Variants in NCKAP1L observed in about 807,000 individuals in gnomAD.
NCKAP1L encodes the protein nck-associated protein 1-like.
NCKAP1L carries 53 observed loss-of-function variants against 139.2 expected under a neutral mutation model. That is an observed-to-expected ratio of 0.38 (90% confidence interval 0.31 to 0.48). NCKAP1L has a LOEUF of 0.48. NCKAP1L is among the 20% of genes least tolerant of loss of function. NCKAP1L has a pLI of 0.98. For synonymous variants in NCKAP1L, 468 were observed against 499.7 expected, an observed-to-expected ratio of 0.94 and a Z score of 0.85; for missense variants, 1,151 against 1,381.9, an observed-to-expected ratio of 0.83 and a Z score of 2.65.
Position 54,518,757 on chromosome 12 carries a change from C to T in NCKAP1L, c.1420+25C>T, listed in dbSNP as rs761966760. 5 of 1,582,384 alleles carry T rather than the reference C, an allele frequency of 3.2e-6. No homozygotes were observed. The East Asian group carries it at 6.7e-5, about 21-fold the overall frequency. ...GGTAACTGGAGGGAGGTGGGGGAGG[C>T]AGGACATATGTGAGGATGAACATCT... On this transcript the variant is annotated intron_variant, in intron 14 of 30. Transcript: ENST00000293373.
intron 22 of NCKAP1L, among the ~76,000 whole-genome samples, chr12:54,529,650 A>G (rs557780592): frequency 6.6e-6 from 1 of 152,234 alleles, no homozygotes; most frequent in African/African-American, 2.4e-5. Flanking sequence ...TCCCCTTCTC[A>G]TCAACTCTAC....
intron 22 of NCKAP1L, 120 bp downstream of exon 22, chr12:54,528,497 A>T: frequency 7.8e-7 from 1 of 1,275,252 alleles, no homozygotes; most frequent in Non-Finnish European, 1.1e-6. Flanking sequence ...ATTACTTTTC[A>T]TTGCAAAAAC....
intron 30 of NCKAP1L, 134 bp from the exon 31 acceptor site, chr12:54,542,441 G>A: frequency 2.9e-6 from 2 of 687,458 alleles, no homozygotes; most frequent in Non-Finnish European, 5.2e-6. Flanking sequence ...AGGGAAGAGG[G>A]GGGTGTGATT....
At chr12:54,506,024 C>T (rs1204242449) in intron 3 of NCKAP1L, among the ~76,000 whole-genome samples, 2 of 152,182 alleles carry the variant, frequency 1.3e-5, no homozygotes, top group Non-Finnish European at 2.9e-5. Context: ...ATCCATTTAC[C>T]TGTTGATAGA....
intron 3 of NCKAP1L, among the ~76,000 whole-genome samples, chr12:54,502,821 C>CATA (rs1956810005): frequency 3.0e-4 from 4 of 13,446 alleles, no homozygotes; most frequent in Non-Finnish European, 7.3e-4. Context: ...ACCCCATCTA[C>CATA]ACAAAAAAAA....
At chr12:54,499,061 G>T (rs1260517374) in intron 1 of NCKAP1L, among the ~76,000 whole-genome samples, 1 of 151,978 alleles carries the variant, frequency 6.6e-6, no homozygotes, top group East Asian at 1.9e-4. Context: ...AAGTACCTGG[G>T]ACTACAGTTG....
At position 54,542,725 on chromosome 12, in the gene NCKAP1L, C is replaced by T. The variant is rs377489737; in HGVS notation, c.*40C>T. 2 of 1,094,106 alleles carry T rather than the reference C, an allele frequency of 1.8e-6. No homozygotes were observed. Among genetic ancestry groups the T allele is most frequent in the African/African-American group, 3.2e-5 (2 of 62,482 alleles). The allele number at this position is 1,094,106 out of a possible 1,614,324, so 67.8% of individuals were successfully genotyped here. Reference sequence around the variant, plus strand: ...CCACTGAAGAGCCCTTTGGACCTTCCTAAACCCTTGCCATAGTGGAAGCTG... The same window carrying T: ...CCACTGAAGAGCCCTTTGGACCTTCTTAAACCCTTGCCATAGTGGAAGCTG... On this transcript the variant is annotated 3_prime_UTR_variant, in exon 31 of 31. Transcript: ENST00000293373.
At chr12:54,525,891 A>G (rs1957022076) in intron 20 of NCKAP1L, among the ~76,000 whole-genome samples, 1 of 152,168 alleles carries the variant, frequency 6.6e-6, no homozygotes, top group South Asian at 2.1e-4. Context: ...AGGTATTTTG[A>G]AAGGAGTTGG....
intron 3 of NCKAP1L, among the ~76,000 whole-genome samples, chr12:54,502,495 A>G (rs903137968): frequency 2.0e-5 from 3 of 152,054 alleles, no homozygotes; most frequent in African/African-American, 7.3e-5. Flanking sequence ...ATTTTGCCAC[A>G]TTTTCTTATC....
intron 9 of NCKAP1L, 84 bp from the exon 10 acceptor site, chr12:54,516,155 T>C (rs1278036525): frequency 7.0e-7 from 1 of 1,425,520 alleles, no homozygotes; most frequent in Non-Finnish European, 9.9e-7. Flanking sequence ...GGGTATAGGC[T>C]GGACTCTCTG....
At chr12:54,523,616 A>C (rs539683884) in intron 19 of NCKAP1L, 77 bp downstream of exon 19, 59 of 1,527,088 alleles carry the variant, frequency 3.9e-5, no homozygotes, top group Non-Finnish European at 1.8e-6. Context: ...AAGGTGACAC[A>C]GAAAGAAAAG....
chr12:54,535,460 C>T (rs925036403), intron 27 of NCKAP1L, among the ~76,000 whole-genome samples: 1 of 152,182 alleles, frequency 6.6e-6, no homozygotes, highest in Non-Finnish European at 1.5e-5. Flanking sequence ...AAGTGAGAGT[C>T]TGTTTGGTGC....
chr12:54,517,815 A>T lies in NCKAP1L; in HGVS notation c.1215A>T (p.Ala405=), dbSNP rs187954697. 7.4e-6 allele frequency: 12 copies of T among 1,614,198 alleles called. No homozygotes were observed. In the Admixed American group the frequency reaches 1.7e-4, roughly 22 times the overall value. ...ATCCTAAACTTTATAGGAGCATTGCAGAGCTACTTTTCTTGTTGGAGGGGA... is the reference window on the plus strand; with the variant it reads ...ATCCTAAACTTTATAGGAGCATTGCTGAGCTACTTTTCTTGTTGGAGGGGA... The part of the protein sequence containing the change: ...TPEDYADSSI[A]ELLFLLEGIR... The change falls in exon 13 of 31, where the codon GCA becomes GCT. Residue 405 remains alanine (A), a synonymous_variant. Transcript: ENST00000293373.
rs143136512 is a variant in NCKAP1L at position 54,535,110 on chromosome 12, T to G, written c.2869T>G (p.Leu957Val). 6.2e-4 allele frequency: 999 copies of G among 1,613,256 alleles called. 1 individual carries two copies. Among genetic ancestry groups the G allele is most frequent in the Non-Finnish European group, 7.5e-4 (887 of 1,179,574 alleles). ...GTTATTTTCTTCTCTCCAGGTGACC[T>G]TGAGTATCTTTGAGCTGGCATCTGC... ...VTPDTDIKVT[L>V]SIFELASAAG... The change falls in exon 27 of 31, where the codon TTG becomes GTG. Residue 957 changes from leucine (L) to valine (V), a missense_variant. Transcript: ENST00000293373.
At chr12:54,503,903 AG>A (rs1482275534) in intron 3 of NCKAP1L, among the ~76,000 whole-genome samples, 1 of 152,094 alleles carries the variant, frequency 6.6e-6, no homozygotes, top group Admixed American at 6.5e-5. Context: ...GGCCTCCCAA[AG>A]TGCTGGGATT....
chr12:54,516,898 G>A lies in NCKAP1L; in HGVS notation c.1001G>A (p.Gly334Asp). ...CATGTTCCCCTTTTCTTCCTTAGTG[G>A]CCAGTTTCATTGTCAACGGCGGCAA... The part of the protein sequence containing the change: ...ESKEHVIANS[G>D]QFHCQRRQFL... Residue 334 changes from glycine to aspartate, a missense_variant and splice_region_variant, in exon 11 of 31, where the codon GGC (glycine) becomes GAC (aspartate). Gly to Asp is a moderately conservative substitution (Grantham distance 94). Coordinates refer to ENST00000293373, the MANE Select transcript of NCKAP1L (RefSeq NM_005337.5). 6.2e-7 allele frequency: 1 copy of A among 1,611,396 alleles called. No individual in the cohort carries two copies. The highest frequency in any genetic ancestry group is 8.5e-7 in the Non-Finnish European group (1 of 1,178,298).
In NCKAP1L at chr12:54,507,918, C is replaced by G. The variant is rs764195016; in HGVS notation, c.363+9C>G. Reference sequence around the variant, plus strand: ...AGTGCCATTTTGATATCGTAAGAACCTTTGCAATTCTCTTCTATCGTAGAG... The same window carrying G: ...AGTGCCATTTTGATATCGTAAGAACGTTTGCAATTCTCTTCTATCGTAGAG... On this transcript the variant is annotated intron_variant, in intron 4 of 30. Transcript: ENST00000293373. 1 of 1,613,188 alleles carries G rather than the reference C, an allele frequency of 6.2e-7. No individual in the cohort carries two copies. Among genetic ancestry groups the G allele is most frequent in the South Asian group, 1.1e-5 (1 of 91,052 alleles).
At chr12:54,499,221 G>A in intron 1 of NCKAP1L, 134 bp from the exon 2 acceptor site, 2 of 590,032 alleles carry the variant, frequency 3.4e-6, no homozygotes, top group South Asian at 2.1e-5. Context: ...GCTGCGCCCA[G>A]CCTCTCATGC....
At position 54,517,778 on chromosome 12, in the gene NCKAP1L, A is replaced by G. The variant is rs758547306; in HGVS notation, c.1206-28A>G. The G allele has an allele frequency of 9.3e-6, 15 of 1,612,756 alleles. No individual in the cohort carries two copies. In the East Asian group the frequency reaches 2.2e-4, roughly 24 times the overall value. On this transcript the variant is annotated intron_variant, in intron 12 of 30. Coordinates refer to ENST00000293373, the MANE Select transcript of NCKAP1L (RefSeq NM_005337.5). ...TCAGTTCATATTTCTAGTCTTATTC[A>G]TCTCTGTTCTCATCCTAAACTTTAT...
Sources: allele counts gnomAD v4.1 joint callset (sites outside exome capture counted in the v4.1 genomes callset), GRCh38; gene constraint gnomAD v4.1.1; transcripts MANE v1.5; gene names NCBI Gene and HGNC (gene_info 2026-07-23, HGNC 2026-07-21).